The following B3GALT5 variants were observed in gnomAD, a reference collection of about 807,000 sequenced individuals.
B3GALT5 encodes the protein beta-1,3-galactosyltransferase 5.
For missense variants in B3GALT5, 328 were observed against 396.6 expected, an observed-to-expected ratio of 0.83 and a Z score of 1.47; for synonymous variants, 156 against 158.6, an observed-to-expected ratio of 0.98 and a Z score of 0.12.
chr21:39,621,184 A>G (rs1028558861), intron 1 of B3GALT5, among the ~76,000 whole-genome samples: 2 of 152,192 alleles, frequency 1.3e-5, no homozygotes, highest in African/African-American at 4.8e-5. Context: ...AAATATGTCT[A>G]TTTTAGATAT....
intron 1 of B3GALT5, among the ~76,000 whole-genome samples, chr21:39,615,205 G>T (rs1389570537): frequency 1.3e-5 from 2 of 152,120 alleles, no homozygotes; most frequent in Non-Finnish European, 2.9e-5. Context: ...CTTCTCTTTT[G>T]CCTTGGCCTG....
At chr21:39,614,382 A>G (rs2079096633) in intron 1 of B3GALT5, among the ~76,000 whole-genome samples, 1 of 152,258 alleles carries the variant, frequency 6.6e-6, no homozygotes, top group African/African-American at 2.4e-5. Flanking sequence ...TTCAGGAAGG[A>G]GCTCAGTGTG....
rs1042576774 is a variant in B3GALT5 at position 39,665,430 on chromosome 21, C to T, written c.*3938C>T. 6.6e-6 allele frequency: 1 copy of T among 152,232 alleles called. No individual in the cohort carries two copies. Among genetic ancestry groups the T allele is most frequent in the Non-Finnish European group, 1.5e-5 (1 of 68,072 alleles). The allele number at this position is 152,232 out of a possible 1,614,324, so 9.4% of individuals were successfully genotyped here. On this transcript the variant is annotated 3_prime_UTR_variant, in exon 4 of 4. Transcript: ENST00000684187. Reference sequence around the variant, plus strand: ...AAAATCTCATTTCTCTGCTCAAAACCCTCCTGAGGTTTCCCATCACCAAGG... The same window carrying T: ...AAAATCTCATTTCTCTGCTCAAAACTCTCCTGAGGTTTCCCATCACCAAGG...
At chr21:39,632,952 G>C (rs1038282582) in intron 1 of B3GALT5, among the ~76,000 whole-genome samples, 3 of 152,196 alleles carry the variant, frequency 2.0e-5, no homozygotes, top group African/African-American at 7.2e-5. Context: ...CTTTCCCACT[G>C]AGCTAGGTAG....
intron 1 of B3GALT5, among the ~76,000 whole-genome samples, chr21:39,617,458 G>A (rs1358134831): frequency 6.6e-6 from 1 of 152,214 alleles, no homozygotes; most frequent in Non-Finnish European, 1.5e-5. Flanking sequence ...TACATGGCCT[G>A]AGAGAGCAAG....
Position 39,653,645 on chromosome 21 carries a change from G to A in B3GALT5, c.-160-6108G>A, listed in dbSNP as rs74677484. On this transcript the variant is annotated intron_variant, in intron 2 of 3. Coordinates refer to ENST00000684187, the MANE Select transcript of B3GALT5 (RefSeq NM_001356336.2). ...TGAACTGCTTTCCTTGCAACCTAGAGGGCAGATTTCTGGCAAGTTCCAGAG... is the reference window on the plus strand; with the variant it reads ...TGAACTGCTTTCCTTGCAACCTAGAAGGCAGATTTCTGGCAAGTTCCAGAG... Among the ~76,000 whole-genome samples, 337 of 152,326 alleles carry A rather than the reference G, an allele frequency of 2.2e-3. 2 individuals carry two copies. The highest frequency in any genetic ancestry group is 7.7e-3 in the African/African-American group (320 of 41,578).
intron 1 of B3GALT5, among the ~76,000 whole-genome samples, chr21:39,631,478 C>G (rs971206676): frequency 5.9e-5 from 9 of 152,184 alleles, no homozygotes; most frequent in African/African-American, 2.2e-4. Context: ...ATGACCTCTT[C>G]TTACTGAATT....
chr21:39,640,038 C>T (rs2079277577), intron 1 of B3GALT5, among the ~76,000 whole-genome samples: 1 of 150,148 alleles, frequency 6.7e-6, no homozygotes, highest in South Asian at 2.2e-4. Context: ...GACAAGGATA[C>T]CTGAAGCTCC....
intron 2 of B3GALT5, among the ~76,000 whole-genome samples, chr21:39,647,499 C>T (rs911488878): frequency 2.0e-5 from 3 of 151,822 alleles, no homozygotes; most frequent in African/African-American, 4.8e-5. Flanking sequence ...CCACCATGCC[C>T]GGGGAATTTT....
Position 39,660,759 on chromosome 21 carries a change from A to C in B3GALT5, c.200A>C (p.His67Pro). 1 of 1,553,276 alleles carries C rather than the reference A, an allele frequency of 6.4e-7. No individual in the cohort carries two copies. The highest frequency in any genetic ancestry group is 8.7e-7 in the Non-Finnish European group (1 of 1,149,524). ...PFLVLLVTSS[H>P]KQLAERMAIR... The stretch of plus-strand genomic sequence containing the variant: ...CTCGTCCTGCTGGTGACCTCATCCC[A>C]CAAACAGTTGGCTGAGCGCATGGCC... Residue 67 changes from histidine to proline, a missense_variant, in exon 4 of 4, where the codon CAC (histidine) becomes CCC (proline). Transcript: ENST00000684187.
chr21:39,646,144 A>G (rs1270238855), intron 1 of B3GALT5, among the ~76,000 whole-genome samples: 1 of 152,104 alleles, frequency 6.6e-6, no homozygotes, highest in Admixed American at 6.6e-5. Flanking sequence ...GAAAGGTGGC[A>G]GGCTGCCTCT....
intron 1 of B3GALT5, among the ~76,000 whole-genome samples, chr21:39,624,032 G>A (rs1457581681): frequency 6.6e-6 from 1 of 152,150 alleles, no homozygotes; most frequent in Non-Finnish European, 1.5e-5. Flanking sequence ...TCTCCTTTCA[G>A]TCACAACCTT....
In B3GALT5 at chr21:39,671,352, G is replaced by A. The variant is rs1350992164; in HGVS notation, c.*9860G>A. On this transcript the variant is annotated 3_prime_UTR_variant, in exon 4 of 4. Transcript: ENST00000684187. The stretch of plus-strand genomic sequence containing the variant: ...ACATTATAGCAATTTCCATGGCTGT[G>A]TCGCTCCTGGCAGATTTTAAAGTTC... The A allele has an allele frequency of 6.6e-6, 1 of 152,142 alleles. No homozygotes were observed. The highest frequency in any genetic ancestry group is 6.5e-5 in the Admixed American group (1 of 15,278). The allele number at this position is 152,142 out of a possible 1,614,324, so 9.4% of individuals were successfully genotyped here.
chr21:39,626,722 T>C (rs1000740726), intron 1 of B3GALT5, among the ~76,000 whole-genome samples: 2 of 152,236 alleles, frequency 1.3e-5, no homozygotes, highest in African/African-American at 2.4e-5. Context: ...ATGAGCTTAT[T>C]GGCCATCTGT....
In B3GALT5 at chr21:39,660,737, G is replaced by A. The variant is rs146778477; in HGVS notation, c.178G>A (p.Val60Ile). ...TDCRQTPPFLVLLVTSSHKQL... is the reference protein window; with the variant it reads ...TDCRQTPPFLILLVTSSHKQL... Reference sequence around the variant, plus strand: ...CTGCAGGCAGACACCTCCCTTCCTCGTCCTGCTGGTGACCTCATCCCACAA... The same window carrying A: ...CTGCAGGCAGACACCTCCCTTCCTCATCCTGCTGGTGACCTCATCCCACAA... The change falls in exon 4 of 4, where the codon GTC (valine) becomes ATC (isoleucine). Residue 60 changes from valine (V) to isoleucine (I), a missense_variant. Physicochemically the swap from Val to Ile is conservative, Grantham distance 29. Coordinates refer to ENST00000684187, the MANE Select transcript of B3GALT5 (RefSeq NM_001356336.2). 78 of 1,545,068 alleles carry A rather than the reference G, an allele frequency of 5.0e-5. No individual in the cohort carries two copies. The African/African-American group carries it at 7.4e-4, about 15-fold the overall frequency.
In B3GALT5 at chr21:39,661,834, C is replaced by T. The variant is rs561469496; in HGVS notation, c.*342C>T. ...AGAGGTACAGAAACTTGTCCCAAGG[C>T]TCACAGCCAGTAGGCATAGGAGCGG... On this transcript the variant is annotated 3_prime_UTR_variant, in exon 4 of 4. Coordinates refer to ENST00000684187, the MANE Select transcript of B3GALT5 (RefSeq NM_001356336.2). The surrounding 1 kb of genome is among the most constrained non-coding windows in gnomAD (Gnocchi z 4.7). 9.9e-6 allele frequency: 2 copies of T among 201,720 alleles called. No homozygotes were observed. Among genetic ancestry groups the T allele is most frequent in the African/African-American group, 4.7e-5 (2 of 42,990 alleles). 12.5% of individuals were successfully genotyped at this position (201,720 alleles called of 1,614,324 possible). A position where few individuals can be genotyped will look rare whatever the true frequency, so the allele number is the denominator to read the frequency against.
chr21:39,661,723 T>C lies in B3GALT5; in HGVS notation c.*231T>C. 1 of 421,906 alleles carries C rather than the reference T, an allele frequency of 2.4e-6. No individual in the cohort carries two copies. Among genetic ancestry groups the C allele is most frequent in the Non-Finnish European group, 4.3e-6 (1 of 231,638 alleles). The allele number at this position is 421,906 out of a possible 1,614,324, so 26.1% of individuals were successfully genotyped here. On this transcript the variant is annotated 3_prime_UTR_variant, in exon 4 of 4. Coordinates refer to ENST00000684187, the MANE Select transcript of B3GALT5 (RefSeq NM_001356336.2). The surrounding 1 kb of genome is among the most constrained non-coding windows in gnomAD (Gnocchi z 4.7). ...TCATACTAAGTGTTTGACATACACCTGGATTTTTGCATTTCAGGGGTCAGT... is the reference window on the plus strand; with the variant it reads ...TCATACTAAGTGTTTGACATACACCCGGATTTTTGCATTTCAGGGGTCAGT...
chr21:39,660,445 C>T (rs185000658), intron 3 of B3GALT5, 115 bp from the exon 4 acceptor site: 12 of 847,838 alleles, frequency 1.4e-5, no homozygotes, highest in Middle Eastern at 2.5e-4. Flanking sequence ...CTGTATGCAG[C>T]GAGGTTCTAG....
At chr21:39,658,612 G>C (rs1214622871) in intron 2 of B3GALT5, among the ~76,000 whole-genome samples, 1 of 151,954 alleles carries the variant, frequency 6.6e-6, no homozygotes, top group Non-Finnish European at 1.5e-5. Flanking sequence ...GAAAGAGAAA[G>C]AAAAGTAAAG....
Sources: gnomAD v4.1 joint callset for allele counts (sites outside exome capture counted in the v4.1 genomes callset) on GRCh38, gnomAD v4.1.1 for gene constraint, Gnocchi (gnomAD v3.1) non-coding constraint, MANE v1.5 for transcripts, NCBI Gene and HGNC (gene_info 2026-07-23, HGNC 2026-07-21) for gene names.